The following CSMD1 variants were observed in gnomAD, a reference collection of about 807,000 sequenced individuals.
The protein encoded by CSMD1 is CUB and Sushi multiple domains 1.
In CSMD1, 213 loss-of-function variants were observed where a neutral mutation model predicts 417.5. That is an observed-to-expected ratio of 0.51 (90% CI 0.46 to 0.57). The LOEUF is 0.57. Among genes scored for constraint, CSMD1 ranks in the 20% least tolerant of loss-of-function variants. The pLI is 0.00. For missense variants in CSMD1, 6,923 were observed against 4,529.7 expected (o/e 1.53, Z -15.17); for synonymous variants, 2,862 against 1,736.8 (o/e 1.65, Z -16.11).
At chr8:3,665,865 G>C (rs149602326) in intron 7 of CSMD1, among the ~76,000 whole-genome samples, 6 of 152,136 alleles carry the variant, frequency 3.9e-5, no homozygotes, top group Admixed American at 3.3e-4. Context: ...CTCAGTGTTG[G>C]TTTGCTTTTT....
At chr8:3,874,445 C>T (rs2930349) in intron 5 of CSMD1, among the ~76,000 whole-genome samples, 6,133 of 152,216 alleles carry the variant, frequency 0.04, 435 homozygotes, top group African/African-American at 0.14. Context: ...TAATCAGAAA[C>T]CAGAAAGCTC....
At chr8:4,719,103 C>A (rs61465136) in intron 1 of CSMD1, among the ~76,000 whole-genome samples, 3,022 of 151,898 alleles carry the variant, frequency 0.02, 90 homozygotes, top group African/African-American at 0.064. Flanking sequence ...GGTTTCTGCA[C>A]AAAGAAGCTC....
At chr8:3,156,893 C>T (rs1433513696) in intron 39 of CSMD1, among the ~76,000 whole-genome samples, 2 of 146,202 alleles carry the variant, frequency 1.4e-5, no homozygotes, top group Non-Finnish European at 1.5e-5. Flanking sequence ...GGGGAGGATA[C>T]GCTCAGGTGG....
intron 1 of CSMD1, among the ~76,000 whole-genome samples, chr8:4,930,777 T>C (rs1170204879): frequency 6.6e-6 from 1 of 152,172 alleles, no homozygotes; most frequent in Non-Finnish European, 1.5e-5. Context: ...AGTACATAAA[T>C]TAAGGAAAGC....
chr8:4,432,657 G>C (rs535302144), intron 2 of CSMD1, among the ~76,000 whole-genome samples: 1 of 152,096 alleles, frequency 6.6e-6, no homozygotes, highest in Non-Finnish European at 1.5e-5. Flanking sequence ...CATGCAGGTG[G>C]AGAGCAGGAG....
intron 7 of CSMD1, chr8:3,700,403 C>T (rs1466273416): frequency 3.3e-5 from 5 of 152,034 alleles, no homozygotes; most frequent in South Asian, 2.1e-4. Context: ...TAAACATACA[C>T]GTATATGTAT....
At chr8:3,846,472 AG>A (rs1268970232) in intron 5 of CSMD1, among the ~76,000 whole-genome samples, 29 of 152,256 alleles carry the variant, frequency 1.9e-4, no homozygotes, top group African/African-American at 6.0e-4. Flanking sequence ...CCTTCCTCTC[AG>A]TTTTTTCACG....
At chr8:3,683,263 G>A (rs1438059463) in intron 7 of CSMD1, among the ~76,000 whole-genome samples, 1 of 151,756 alleles carries the variant, frequency 6.6e-6, no homozygotes. Flanking sequence ...TAAAGACAGT[G>A]ACCCCTGTGA....
chr8:4,583,828 C>A (rs1328905618), intron 2 of CSMD1, among the ~76,000 whole-genome samples: 3 of 152,022 alleles, frequency 2.0e-5, no homozygotes, highest in African/African-American at 7.2e-5. Flanking sequence ...AGTGGCAACC[C>A]ACTCGTGTCC....
At chr8:3,538,777 A>G (rs771089446) in intron 10 of CSMD1, among the ~76,000 whole-genome samples, 90 of 152,224 alleles carry the variant, frequency 5.9e-4, no homozygotes, top group Non-Finnish European at 1.1e-3. Context: ...CCTACTCGGG[A>G]AGCCACACTT....
intron 30 of CSMD1, among the ~76,000 whole-genome samples, chr8:3,213,045 T>C (rs1450560030): frequency 1.3e-5 from 2 of 152,058 alleles, no homozygotes; most frequent in Admixed American, 6.6e-5. Context: ...AGCCATGGTC[T>C]CGAACTCCTG....
intron 3 of CSMD1, among the ~76,000 whole-genome samples, chr8:4,364,824 CAAAAAAAA>C (rs60925117): frequency 8.2e-5 from 7 of 84,916 alleles, no homozygotes; most frequent in Admixed American, 2.7e-4. Flanking sequence ...GACTCCTTCT[CAAAAAAAA>C]AAAAAAAAAA....
At position 3,708,509 on chromosome 8, in the gene CSMD1, A is replaced by C. The variant is rs765409703; in HGVS notation, c.932-18T>G. On this transcript the variant is annotated intron_variant, in intron 6 of 69. Coordinates refer to ENST00000635120, the MANE Select transcript of CSMD1 (RefSeq NM_033225.6). The stretch of plus-strand genomic sequence containing the variant: ...CTTTTTCACTGGAAGAAACAAAACC[A>C]AGCCATTAGCAGGTAAGACTTGGAG... The C allele has an allele frequency of 3.2e-5, 52 of 1,610,408 alleles. 1 individual carries two copies. In the South Asian group the frequency reaches 4.5e-4, roughly 14 times the overall value.
rs200335593 is a variant in CSMD1, at chr8:3,809,952, CA to C, written c.819-55911del. ...CATATACAACCAACATTTACTTACTCAAGGGCCTTCCAACTTCTTTGCTGCA... is the reference window on the plus strand; with the variant it reads ...CATATACAACCAACATTTACTTACTCAGGGCCTTCCAACTTCTTTGCTGCA... On this transcript the variant is annotated intron_variant, in intron 5 of 69. Coordinates refer to ENST00000635120, the MANE Select transcript of CSMD1 (RefSeq NM_033225.6). Among the ~76,000 whole-genome samples the C allele has an allele frequency of 3.8e-4, 58 of 152,332 alleles. 1 individual carries two copies. In the East Asian group the frequency reaches 9.9e-3, roughly 26 times the overall value.
intron 69 of CSMD1, among the ~76,000 whole-genome samples, chr8:2,939,301 T>G (rs911296651): frequency 2.0e-5 from 3 of 152,260 alleles, no homozygotes; most frequent in Non-Finnish European, 2.9e-5. Flanking sequence ...ATGCTTACAC[T>G]AAATTTCAAG....
intron 3 of CSMD1, among the ~76,000 whole-genome samples, chr8:4,400,689 C>T (rs868021204): frequency 6.6e-6 from 1 of 151,198 alleles, no homozygotes; most frequent in Non-Finnish European, 1.5e-5. Context: ...GGCTAATTTG[C>T]CTTTTTTTTC....
intron 1 of CSMD1, among the ~76,000 whole-genome samples, chr8:4,645,163 A>G (rs987441692): frequency 6.6e-6 from 1 of 152,106 alleles, no homozygotes; most frequent in African/African-American, 2.4e-5. Flanking sequence ...TTTCTCCTAC[A>G]TGCTGTTCCT....
intron 51 of CSMD1, among the ~76,000 whole-genome samples, chr8:3,026,442 G>A (rs1809933182): frequency 6.6e-6 from 1 of 151,226 alleles, no homozygotes; most frequent in Admixed American, 6.6e-5. Context: ...GGGCCTCACT[G>A]GGCCTGACTG....
intron 19 of CSMD1, among the ~76,000 whole-genome samples, chr8:3,368,359 TAG>T (rs1218438428): frequency 6.6e-6 from 1 of 152,176 alleles, no homozygotes; most frequent in African/African-American, 2.4e-5. Context: ...TTTTTTGAGA[TAG>T]AGTCTCGCTC....
Sources: allele counts gnomAD v4.1 joint callset (sites outside exome capture counted in the v4.1 genomes callset), GRCh38; gene constraint gnomAD v4.1.1; transcripts MANE v1.5; gene names NCBI Gene and HGNC (gene_info 2026-07-23, HGNC 2026-07-21).